The following CCDC126 variants were observed in gnomAD, a reference collection of about 807,000 sequenced individuals.
CCDC126 encodes the protein coiled-coil domain-containing protein 126.
A neutral mutation model predicts 11.7 loss-of-function variants in CCDC126; 5 were observed. That is an observed-to-expected ratio of 0.43 (90% CI 0.22 to 0.90). CCDC126 has a LOEUF of 0.90. CCDC126 is among the 40% of genes least tolerant of loss of function. The pLI, the probability that CCDC126 is intolerant of heterozygous loss-of-function variation, is 0.27. For missense variants in CCDC126, 150 were observed against 163.1 expected (o/e 0.92, Z 0.44); for synonymous variants, 60 against 61.9 (o/e 0.97, Z 0.14).
chr7:23,622,956 A>G (rs1253871570), intron 3 of CCDC126: 9 of 188,738 alleles, frequency 4.8e-5, no homozygotes, highest in Admixed American at 3.2e-4. Context: ...AGGATGGTTA[A>G]ATATGCTCAC....
In CCDC126 at chr7:23,611,573, T is replaced by C. The variant is rs1430154548; in HGVS notation, c.238+20T>C. Reference sequence around the variant, plus strand: ...GATATGGTAAGATAACCGTAGAATATTTCTAGTTTCCTCCAATCCCTGTTT... The same window carrying C: ...GATATGGTAAGATAACCGTAGAATACTTCTAGTTTCCTCCAATCCCTGTTT... On this transcript the variant is annotated intron_variant, in intron 3 of 3. Coordinates refer to ENST00000307471, the MANE Select transcript of CCDC126 (RefSeq NM_138771.4). 6.5e-7 allele frequency: 1 copy of C among 1,529,188 alleles called. No individual in the cohort carries two copies. Among genetic ancestry groups the C allele is most frequent in the Non-Finnish European group, 9.1e-7 (1 of 1,104,134 alleles). 94.7% of individuals were successfully genotyped at this position (1,529,188 alleles called of 1,614,324 possible).
intron 3 of CCDC126, among the ~76,000 whole-genome samples, chr7:23,614,661 C>G (rs975373395): frequency 6.6e-6 from 1 of 152,192 alleles, no homozygotes; most frequent in African/African-American, 2.4e-5. Flanking sequence ...GTCCAAATGA[C>G]TCCTTTATCG....
At chr7:23,632,395 C>T (rs1355685533) in intron 3 of CCDC126, among the ~76,000 whole-genome samples, 2 of 152,344 alleles carry the variant, frequency 1.3e-5, no homozygotes, top group Non-Finnish European at 2.9e-5. Flanking sequence ...CACGCCTGGC[C>T]ACAAAGTGGC....
At chr7:23,615,938 CAG>C (rs1243644785) in intron 3 of CCDC126, among the ~76,000 whole-genome samples, 2 of 152,188 alleles carry the variant, frequency 1.3e-5, no homozygotes, top group African/African-American at 4.8e-5. Flanking sequence ...CCAAATGTGA[CAG>C]AGACACAAAG....
intron 3 of CCDC126, among the ~76,000 whole-genome samples, chr7:23,624,255 A>G (rs1782975175): frequency 6.6e-6 from 1 of 152,180 alleles, no homozygotes; most frequent in Non-Finnish European, 1.5e-5. Flanking sequence ...CTTATTCTAA[A>G]TGCCTGTGTT....
chr7:23,621,086 T>G (rs1230995022), intron 3 of CCDC126, among the ~76,000 whole-genome samples: 1 of 152,214 alleles, frequency 6.6e-6, no homozygotes, highest in Non-Finnish European at 1.5e-5. Context: ...CCATATGAAC[T>G]TTAAAGTAGT....
intron 2 of CCDC126, among the ~76,000 whole-genome samples, chr7:23,604,703 A>C (rs947782683): frequency 1.3e-5 from 2 of 152,208 alleles, no homozygotes; most frequent in Non-Finnish European, 2.9e-5. Flanking sequence ...AATTTCATAT[A>C]GAAAATGATA....
chr7:23,638,956 G>A (rs1013436939), intron 3 of CCDC126, among the ~76,000 whole-genome samples: 3 of 150,630 alleles, frequency 2.0e-5, no homozygotes, highest in Non-Finnish European at 3.0e-5. Flanking sequence ...CATGGAAAAG[G>A]AGATCCAGTA....
At chr7:23,611,756 A>G (rs1782714508) in intron 3 of CCDC126, among the ~76,000 whole-genome samples, 1 of 152,240 alleles carries the variant, frequency 6.6e-6, no homozygotes, top group Admixed American at 6.5e-5. Context: ...ACAGTTATTA[A>G]CATTTGGCAA....
intron 3 of CCDC126, among the ~76,000 whole-genome samples, chr7:23,618,271 C>T (rs1782828159): frequency 6.6e-6 from 1 of 152,170 alleles, no homozygotes; most frequent in Admixed American, 6.5e-5. Context: ...ATCTCCACCC[C>T]TCCTCCCCTC....
At chr7:23,631,208 CAAAG>C (rs1352576727) in intron 3 of CCDC126, among the ~76,000 whole-genome samples, 3 of 151,674 alleles carry the variant, frequency 2.0e-5, no homozygotes, top group African/African-American at 7.3e-5. Flanking sequence ...ATCAATGAAA[CAAAG>C]AACTTGTCCT....
intron 3 of CCDC126, among the ~76,000 whole-genome samples, chr7:23,623,042 C>T (rs186727604): frequency 4.9e-4 from 68 of 137,444 alleles, no homozygotes; most frequent in Middle Eastern, 4.6e-3. Context: ...GGCACAATCT[C>T]AGCTCACTGC....
In CCDC126 at chr7:23,611,286, A is replaced by G; in HGVS notation, c.-30A>G. On this transcript the variant is annotated 5_prime_UTR_variant, in exon 3 of 4. Coordinates refer to ENST00000307471, the MANE Select transcript of CCDC126 (RefSeq NM_138771.4). ...GGCTTACCTCAAGTTACCATTTTTC[A>G]GTCAAGTCTGTTTGTTTGCTTCTTC... 2 of 1,390,396 alleles carry G rather than the reference A, an allele frequency of 1.4e-6. No homozygotes were observed. Among genetic ancestry groups the G allele is most frequent in the South Asian group, 1.2e-5 (1 of 84,190 alleles). The allele number at this position is 1,390,396 out of a possible 1,614,324, so 86.1% of individuals were successfully genotyped here. A position where few individuals can be genotyped will look rare whatever the true frequency, so the allele number is the denominator to read the frequency against.
intron 3 of CCDC126, among the ~76,000 whole-genome samples, chr7:23,618,089 C>T (rs1782825536): frequency 6.6e-6 from 1 of 152,190 alleles, no homozygotes; most frequent in Non-Finnish European, 1.5e-5. Flanking sequence ...CTGTTGTCCT[C>T]TCTTCATAGA....
intron 3 of CCDC126, among the ~76,000 whole-genome samples, chr7:23,627,733 G>A (rs1182845045): frequency 1.3e-5 from 2 of 151,858 alleles, no homozygotes; most frequent in East Asian, 3.9e-4. Context: ...CTAGAAGCTG[G>A]GACTGCAGGT....
intron 2 of CCDC126, among the ~76,000 whole-genome samples, chr7:23,603,713 G>A (rs979085940): frequency 2.0e-5 from 3 of 152,118 alleles, no homozygotes; most frequent in Admixed American, 2.0e-4. Flanking sequence ...CTATCCTCTG[G>A]TCCTCTACCC....
chr7:23,623,207 A>G (rs1286348786), intron 3 of CCDC126, among the ~76,000 whole-genome samples: 2 of 150,110 alleles, frequency 1.3e-5, no homozygotes, highest in African/African-American at 2.5e-5. Flanking sequence ...ACAGAAAAAT[A>G]TGCCTCAGCC....
At chr7:23,609,718 C>T (rs1351695359) in intron 2 of CCDC126, among the ~76,000 whole-genome samples, 5 of 151,812 alleles carry the variant, frequency 3.3e-5, no homozygotes, top group Admixed American at 1.3e-4. Flanking sequence ...AAAAATTAGC[C>T]AGGTGTGGTG....
intron 3 of CCDC126, among the ~76,000 whole-genome samples, chr7:23,616,461 A>T (rs949015384): frequency 6.6e-6 from 1 of 152,236 alleles, no homozygotes; most frequent in African/African-American, 2.4e-5. Flanking sequence ...CCTGAGAAAG[A>T]TGCAGATAGG....
Sources: gnomAD v4.1 joint callset for allele counts (sites outside exome capture counted in the v4.1 genomes callset) on GRCh38, gnomAD v4.1.1 for gene constraint, MANE v1.5 for transcripts, NCBI Gene and HGNC (gene_info 2026-07-23, HGNC 2026-07-21) for gene names.